Variants in GRIK4 observed in about 807,000 individuals in gnomAD.
GRIK4 encodes the protein glutamate ionotropic receptor kainate type subunit 4.
In GRIK4, 40 loss-of-function variants were observed where a neutral mutation model predicts 104.9. The ratio of observed to expected loss-of-function variants is 0.38; its 90% CI spans 0.30 to 0.50. The LOEUF (loss-of-function observed/expected upper bound fraction) is 0.50. Ranked by LOEUF, GRIK4 falls within the 20% of genes least tolerant of loss-of-function variation. The probability of loss-of-function intolerance (pLI) is 0.93; values close to 1 mark genes in which losing one functional copy is unlikely to be tolerated. For missense variants in GRIK4, 1,047 were observed against 1,308.1 expected (o/e 0.80, Z 3.08); for synonymous variants, 485 against 524.9 (o/e 0.92, Z 1.04).
intron 3 of GRIK4, among the ~76,000 whole-genome samples, chr11:120,797,344 G>C (rs1444056507): frequency 6.6e-6 from 1 of 152,186 alleles, no homozygotes; most frequent in Non-Finnish European, 1.5e-5. Context: ...GAGCGTCCCA[G>C]CCCAGCCAGG....
At chr11:120,605,372 A>T (rs943351818) in intron 1 of GRIK4, among the ~76,000 whole-genome samples, 6 of 152,224 alleles carry the variant, frequency 3.9e-5, no homozygotes, top group African/African-American at 1.4e-4. Flanking sequence ...AGTGTACAGA[A>T]TAGAATTAGG....
At chr11:120,566,684 T>C (rs534058262) in intron 1 of GRIK4, among the ~76,000 whole-genome samples, 4 of 151,896 alleles carry the variant, frequency 2.6e-5, no homozygotes, top group South Asian at 2.1e-4. Flanking sequence ...TCACAAGATT[T>C]TTTTTCTTGT....
chr11:120,570,092 AGAGT>A (rs1307624606), intron 1 of GRIK4, among the ~76,000 whole-genome samples: 1 of 152,216 alleles, frequency 6.6e-6, no homozygotes, highest in Non-Finnish European at 1.5e-5. Flanking sequence ...GCAACAATAA[AGAGT>A]GAGAGACCGC....
intron 1 of GRIK4, among the ~76,000 whole-genome samples, chr11:120,620,701 A>C (rs1391132242): frequency 1.3e-5 from 2 of 152,128 alleles, no homozygotes; most frequent in Non-Finnish European, 2.9e-5. Context: ...TTTTAAATAA[A>C]TATTTATTAG....
chr11:120,623,993 C>G (rs1442716728), intron 1 of GRIK4, among the ~76,000 whole-genome samples: 1 of 151,032 alleles, frequency 6.6e-6, no homozygotes, highest in Non-Finnish European at 1.5e-5. Context: ...CCCTCTCCCT[C>G]TTCCTCCTCC....
intron 3 of GRIK4, among the ~76,000 whole-genome samples, chr11:120,729,720 A>G (rs1348600524): frequency 6.6e-6 from 1 of 152,082 alleles, no homozygotes; most frequent in African/African-American, 2.4e-5. Context: ...TTATCTCTTC[A>G]GTTTGCTGAC....
intron 13 of GRIK4, among the ~76,000 whole-genome samples, chr11:120,919,778 A>G (rs1373470070): frequency 1.3e-5 from 2 of 152,140 alleles, no homozygotes; most frequent in Non-Finnish European, 1.5e-5. Flanking sequence ...TTTCAGAGGT[A>G]AAAGGGATGG....
intron 3 of GRIK4, among the ~76,000 whole-genome samples, chr11:120,729,166 C>T (rs779529632): frequency 9.2e-5 from 14 of 152,138 alleles, no homozygotes; most frequent in Non-Finnish European, 1.5e-4. Flanking sequence ...CATCTGTTGA[C>T]GGACACTTAA....
At chr11:120,644,889 A>G (rs1240033480) in intron 1 of GRIK4, among the ~76,000 whole-genome samples, 1 of 152,166 alleles carries the variant, frequency 6.6e-6, no homozygotes, top group South Asian at 2.1e-4. Flanking sequence ...AACTTAAAGT[A>G]TAATAATAAT....
intron 3 of GRIK4, among the ~76,000 whole-genome samples, chr11:120,695,956 G>A (rs1950441792): frequency 6.6e-6 from 1 of 152,140 alleles, no homozygotes; most frequent in Non-Finnish European, 1.5e-5. Flanking sequence ...GGAGGGCCCA[G>A]GCTCTCACAT....
At position 120,986,120 on chromosome 11, in the gene GRIK4, C is replaced by G. The variant is rs1337695286; in HGVS notation, c.2731C>G (p.Leu911Val). The G allele has an allele frequency of 1.3e-6, 2 of 1,518,802 alleles. No individual in the cohort carries two copies. The highest frequency in any genetic ancestry group is 1.8e-6 in the Non-Finnish European group (2 of 1,141,532). The allele number at this position is 1,518,802 out of a possible 1,614,324, so 94.1% of individuals were successfully genotyped here. A position where few individuals can be genotyped will look rare whatever the true frequency, so the allele number is the denominator to read the frequency against. ...LAQRLAQEAA[L>V]VARGCTHIRV... ...GCAGAGACTGGCGCAGGAGGCCGCC[C>G]TGGTGGCCCGCGGCTGCACGCACAT... Residue 911 changes from leucine (L) to valine (V), a missense_variant, in exon 21 of 21, where the codon CTG (leucine) becomes GTG (valine). Leu to Val is a conservative substitution (Grantham distance 32). Transcript: ENST00000527524.
intron 3 of GRIK4, among the ~76,000 whole-genome samples, chr11:120,668,100 TG>T (rs1243983198): frequency 7.3e-6 from 1 of 136,130 alleles, no homozygotes; most frequent in African/African-American, 2.7e-5. Context: ...GATAGATAGA[TG>T]GATAGATAGA....
At chr11:120,743,315 T>G (rs947696450) in intron 3 of GRIK4, among the ~76,000 whole-genome samples, 1 of 151,430 alleles carries the variant, frequency 6.6e-6, no homozygotes, top group African/African-American at 2.4e-5. Context: ...AGCAAACAAA[T>G]GCAGGAACAG....
intron 8 of GRIK4, among the ~76,000 whole-genome samples, chr11:120,861,553 T>C (rs951695693): frequency 3.3e-5 from 5 of 152,106 alleles, no homozygotes; most frequent in Non-Finnish European, 7.4e-5. Flanking sequence ...TACATGGGGA[T>C]TTCTGGCTGG....
At chr11:120,737,919 T>C (rs1317050878) in intron 3 of GRIK4, among the ~76,000 whole-genome samples, 1 of 152,116 alleles carries the variant, frequency 6.6e-6, no homozygotes, top group Non-Finnish European at 1.5e-5. Context: ...TATGTTTTAT[T>C]TTACAATAAA....
intron 3 of GRIK4, among the ~76,000 whole-genome samples, chr11:120,680,974 C>T (rs982577800): frequency 2.0e-5 from 3 of 152,156 alleles, no homozygotes; most frequent in Non-Finnish European, 4.4e-5. Flanking sequence ...GTGTGCTTGG[C>T]CCAGCATCAC....
chr11:120,946,705 C>T (rs1286755098), intron 14 of GRIK4, among the ~76,000 whole-genome samples: 2 of 152,146 alleles, frequency 1.3e-5, no homozygotes, highest in Non-Finnish European at 2.9e-5. Flanking sequence ...AATTCTGAAA[C>T]TCTGTGAGCC....
intron 3 of GRIK4, among the ~76,000 whole-genome samples, chr11:120,690,042 G>A (rs1221938081): frequency 1.3e-5 from 2 of 152,104 alleles, no homozygotes; most frequent in African/African-American, 4.8e-5. Flanking sequence ...CAGGCAAAAA[G>A]CAACATAAAT....
At chr11:120,712,605 T>G (rs946954628) in intron 3 of GRIK4, among the ~76,000 whole-genome samples, 2 of 149,012 alleles carry the variant, frequency 1.3e-5, no homozygotes, top group East Asian at 2.0e-4. Context: ...CTGGCCAACA[T>G]AGTAAGACCC....
Sources: allele counts gnomAD v4.1 joint callset (sites outside exome capture counted in the v4.1 genomes callset), GRCh38; gene constraint gnomAD v4.1.1; transcripts MANE v1.5; gene names NCBI Gene and HGNC (gene_info 2026-07-23, HGNC 2026-07-21).